CCDC85A: variants seen among roughly 807,000 people sequenced by gnomAD.
CCDC85A encodes coiled-coil domain containing 85A.
Under a neutral mutation model 50.2 loss-of-function variants are expected in CCDC85A, and 38 were observed. That is an observed-to-expected ratio of 0.76 (90% CI 0.58 to 0.99). The LOEUF is 0.99. Ranked by LOEUF, CCDC85A falls within the 50% of genes least tolerant of loss-of-function variation. CCDC85A has a pLI of 0.00. For missense variants in CCDC85A, 820 were observed against 742.0 expected (o/e 1.11, Z -1.22); for synonymous variants, 366 against 301.4 (o/e 1.21, Z -2.22).
intron 2 of CCDC85A, among the ~76,000 whole-genome samples, chr2:56,203,519 A>G (rs1354092382): frequency 2.0e-5 from 3 of 152,074 alleles, no homozygotes; most frequent in South Asian, 4.1e-4. Context: ...TTTGGGGCTT[A>G]TTGGCCTAGC....
intron 3 of CCDC85A, among the ~76,000 whole-genome samples, chr2:56,363,503 C>G (rs1197196303): frequency 2.0e-5 from 3 of 152,150 alleles, no homozygotes; most frequent in African/African-American, 7.2e-5. Flanking sequence ...ATACAAGAAG[C>G]TGACTCTTCT....
upstream of CCDC85A, chr2:56,183,905 C>T (rs945474307): frequency 1.0e-5 from 10 of 985,412 alleles, no homozygotes; most frequent in Middle Eastern, 1.0e-3. Context: ...GTGGCAGCTG[C>T]GTCCAGCCCA....
chr2:56,221,994 G>C (rs997085169), intron 2 of CCDC85A, among the ~76,000 whole-genome samples: 2 of 151,996 alleles, frequency 1.3e-5, no homozygotes, highest in Non-Finnish European at 2.9e-5. Flanking sequence ...GGGCCAAACT[G>C]CCTCCTTTTA....
At chr2:56,263,907 G>T (rs958070932) in intron 2 of CCDC85A, among the ~76,000 whole-genome samples, 1 of 152,052 alleles carries the variant, frequency 6.6e-6, no homozygotes, top group African/African-American at 2.4e-5. Flanking sequence ...CTAGGTCAGG[G>T]GTGTCCAGTC....
intron 3 of CCDC85A, among the ~76,000 whole-genome samples, chr2:56,369,146 T>G (rs1401618944): frequency 1.3e-5 from 2 of 152,148 alleles, no homozygotes; most frequent in Non-Finnish European, 2.9e-5. Flanking sequence ...ACAGTAACAC[T>G]TAATTCACGC....
chr2:56,374,264 A>C (rs1217849935), intron 4 of CCDC85A, among the ~76,000 whole-genome samples: 3 of 151,990 alleles, frequency 2.0e-5, no homozygotes, highest in Non-Finnish European at 4.4e-5. Context: ...GGATTATAGA[A>C]CTCTTTGAGC....
chr2:56,348,349 A>G (rs572450451), intron 3 of CCDC85A, among the ~76,000 whole-genome samples: 2 of 152,284 alleles, frequency 1.3e-5, no homozygotes, highest in South Asian at 4.1e-4. Context: ...CTGCTGTCAT[A>G]TACCTGCACA....
intron 2 of CCDC85A, among the ~76,000 whole-genome samples, chr2:56,315,475 A>G (rs2104240603): frequency 6.6e-6 from 1 of 152,278 alleles, no homozygotes; most frequent in Non-Finnish European, 1.5e-5. Flanking sequence ...TGCAGTTTTT[A>G]CCATGAGAGT....
chr2:56,292,149 C>T (rs1214621768), intron 2 of CCDC85A, among the ~76,000 whole-genome samples: 1 of 152,184 alleles, frequency 6.6e-6, no homozygotes, highest in African/African-American at 2.4e-5. Context: ...GTGGCGCCAT[C>T]TCAGCTCACT....
At chr2:56,300,437 G>A (rs149903628) in intron 2 of CCDC85A, among the ~76,000 whole-genome samples, 62 of 152,298 alleles carry the variant, frequency 4.1e-4, no homozygotes, top group African/African-American at 1.5e-3. Context: ...TTGGTGAGTT[G>A]ACAATCCTCT....
intron 3 of CCDC85A, among the ~76,000 whole-genome samples, chr2:56,347,840 T>C (rs1674705747): frequency 6.6e-6 from 1 of 152,220 alleles, no homozygotes; most frequent in Non-Finnish European, 1.5e-5. Context: ...CCATTCATTA[T>C]CCTTTTCTTG....
chr2:56,314,633 C>G (rs1314639852), intron 2 of CCDC85A, among the ~76,000 whole-genome samples: 3 of 152,052 alleles, frequency 2.0e-5, no homozygotes, highest in Non-Finnish European at 4.4e-5. Context: ...TATTTCTTCC[C>G]CCAGTTTGTT....
chr2:56,254,386 C>T (rs976494046), intron 2 of CCDC85A, among the ~76,000 whole-genome samples: 3 of 151,890 alleles, frequency 2.0e-5, no homozygotes, highest in African/African-American at 7.3e-5. Flanking sequence ...TGGACCCCAT[C>T]CTGAAACAAT....
At chr2:56,333,060 A>T (rs1673892656) in intron 2 of CCDC85A, among the ~76,000 whole-genome samples, 1 of 152,232 alleles carries the variant, frequency 6.6e-6, no homozygotes, top group Non-Finnish European at 1.5e-5. Context: ...TGGAGTTTAC[A>T]TTTTGGTAGG....
At chr2:56,234,088 T>A (rs1355831721) in intron 2 of CCDC85A, among the ~76,000 whole-genome samples, 1 of 152,192 alleles carries the variant, frequency 6.6e-6, no homozygotes, top group Non-Finnish European at 1.5e-5. Flanking sequence ...GAACATCTTT[T>A]ATTTCTTGGT....
At position 56,184,123 on chromosome 2, in the gene CCDC85A, G is replaced by A. The variant is rs1438282596; in HGVS notation, c.-502G>A. The A allele has an allele frequency of 8.2e-6, 8 of 975,452 alleles. No homozygotes were observed. The South Asian group carries it at 1.4e-4, about 17-fold the overall frequency. 60.4% of individuals were successfully genotyped at this position (975,452 alleles called of 1,614,324 possible). On this transcript the variant is annotated 5_prime_UTR_variant, in exon 1 of 6. Transcript: ENST00000407595. ...CGGCGTCGCTAGAGCAGCCGGGGAG[G>A]CGCCGCGGTGCCCGGCGCGCCCTCC...
Position 56,374,877 on chromosome 2 carries a change from G to A in CCDC85A, c.1453-939G>A, listed in dbSNP as rs149731378. Among the ~76,000 whole-genome samples, 19 of 152,264 alleles carry A rather than the reference G, an allele frequency of 1.2e-4. No individual in the cohort carries two copies. The East Asian group carries it at 2.1e-3, about 17-fold the overall frequency. On this transcript the variant is annotated intron_variant, in intron 4 of 5. Coordinates refer to ENST00000407595, the MANE Select transcript of CCDC85A (RefSeq NM_001080433.2). ...GATACACCTTCAGTGACTCCTCTTC[G>A]GGGTGTTAGATTGATAGAATCAACT...
chr2:56,202,159 GAGATA>G (rs760468839), intron 2 of CCDC85A, among the ~76,000 whole-genome samples: 35 of 152,282 alleles, frequency 2.3e-4, no homozygotes, highest in African/African-American at 8.4e-4. Context: ...ATGAGAGTGT[GAGATA>G]AGATAAGTAT....
At chr2:56,311,118 A>T (rs943983493) in intron 2 of CCDC85A, among the ~76,000 whole-genome samples, 2 of 152,064 alleles carry the variant, frequency 1.3e-5, no homozygotes, top group African/African-American at 4.8e-5. Flanking sequence ...AATGATTTTG[A>T]TTCCTATTTT....
Sources: gnomAD v4.1 joint callset for allele counts (sites outside exome capture counted in the v4.1 genomes callset) on GRCh38, gnomAD v4.1.1 for gene constraint, MANE v1.5 for transcripts, NCBI Gene and HGNC (gene_info 2026-07-23, HGNC 2026-07-21) for gene names.